DLG2: variants seen among roughly 807,000 people sequenced by gnomAD.
The protein encoded by DLG2 is disks large homolog 2.
In DLG2, 45 loss-of-function variants were observed where a neutral mutation model predicts 132.5. The ratio of observed to expected loss-of-function variants is 0.34; its 90% CI spans 0.27 to 0.44. DLG2 has a LOEUF of 0.44. Among genes scored for constraint, DLG2 ranks in the 20% least tolerant of loss-of-function variants. The pLI, the probability that DLG2 is intolerant of heterozygous loss-of-function variation, is 1.00. For missense variants in DLG2, 1,045 were observed against 1,196.9 expected, an observed-to-expected ratio of 0.87 and a Z score of 1.87; for synonymous variants, 424 against 419.6, an observed-to-expected ratio of 1.01 and a Z score of -0.13.
At chr11:84,457,364 G>T (rs989179075) in intron 7 of DLG2, among the ~76,000 whole-genome samples, 2 of 150,932 alleles carry the variant, frequency 1.3e-5, no homozygotes, top group Non-Finnish European at 3.0e-5. Context: ...TTGTTTAGTG[G>T]AATAACAACT....
chr11:84,498,442 C>T (rs1050721469), intron 7 of DLG2, among the ~76,000 whole-genome samples: 1 of 152,054 alleles, frequency 6.6e-6, no homozygotes, highest in Non-Finnish European at 1.5e-5. Flanking sequence ...CACCACCACC[C>T]CCACCACCAA....
intron 6 of DLG2, among the ~76,000 whole-genome samples, chr11:84,747,706 T>C (rs983477119): frequency 1.3e-5 from 2 of 152,236 alleles, no homozygotes; most frequent in East Asian, 3.8e-4. Flanking sequence ...GGTATCAGTT[T>C]AGTTCAAATA....
chr11:83,964,489 T>C (rs1179884018), intron 13 of DLG2, among the ~76,000 whole-genome samples: 1 of 152,020 alleles, frequency 6.6e-6, no homozygotes, highest in Non-Finnish European at 1.5e-5. Flanking sequence ...ACCATAGTAC[T>C]AATTAATGGC....
At chr11:84,943,605 A>G (rs988093635) in intron 6 of DLG2, among the ~76,000 whole-genome samples, 1 of 152,188 alleles carries the variant, frequency 6.6e-6, no homozygotes, top group Non-Finnish European at 1.5e-5. Flanking sequence ...AGAGGAGCAA[A>G]AAGAAAACTA....
intron 5 of DLG2, among the ~76,000 whole-genome samples, chr11:85,120,313 C>T (rs777805598): frequency 1.4e-4 from 21 of 151,930 alleles, no homozygotes; most frequent in Non-Finnish European, 2.7e-4. Context: ...AACGGACTAG[C>T]AATTAGATAT....
At chr11:84,785,549 A>G (rs1038588748) in intron 6 of DLG2, among the ~76,000 whole-genome samples, 20 of 152,104 alleles carry the variant, frequency 1.3e-4, no homozygotes, top group African/African-American at 4.6e-4. Context: ...TAGGTACAAG[A>G]CCACTATAAA....
chr11:84,320,974 T>C (rs1489762440), intron 7 of DLG2, among the ~76,000 whole-genome samples: 2 of 152,198 alleles, frequency 1.3e-5, no homozygotes, highest in African/African-American at 4.8e-5. Flanking sequence ...AATTATGTAA[T>C]ATTTCTTAAA....
Position 85,287,256 on chromosome 11 carries a change from A to T in DLG2, c.41-1891T>A, listed in dbSNP as rs143423507. Among the ~76,000 whole-genome samples, 14 of 152,226 alleles carry T rather than the reference A, an allele frequency of 9.2e-5. 1 individual carries two copies. The East Asian group carries it at 2.5e-3, about 27-fold the overall frequency. Reference sequence around the variant, plus strand: ...AAGACAAGGTACAAATTGAAAGAAGATAATTTCACAGCACACAGACAAAGG... The same window carrying T: ...AAGACAAGGTACAAATTGAAAGAAGTTAATTTCACAGCACACAGACAAAGG... On this transcript the variant is annotated intron_variant, in intron 3 of 27. Transcript: ENST00000376104.
At chr11:84,765,583 A>G (rs2068293209) in intron 6 of DLG2, among the ~76,000 whole-genome samples, 1 of 152,068 alleles carries the variant, frequency 6.6e-6, no homozygotes. Context: ...TCTGAGGAAA[A>G]TATCACACAT....
At position 84,059,352 on chromosome 11, in the gene DLG2, C is replaced by T. The variant is rs754999934; in HGVS notation, c.882G>A (p.Glu294=). ...TGAACAGTTTGATTTCCACAACGGT[C>T]TCCAAAATAGGTCGTCTTCTACGCA... ...LYVRRRRPIL[E]TVVEIKLFKG... is the part of the protein sequence containing the mutation. Residue 294 remains glutamate, a synonymous_variant, in exon 11 of 28, where the codon GAG becomes GAA. Coordinates refer to ENST00000376104, the MANE Select transcript of DLG2 (RefSeq NM_001142699.3). 1 of 1,613,720 alleles carries T rather than the reference C, an allele frequency of 6.2e-7. No homozygotes were observed. The highest frequency in any genetic ancestry group is 2.2e-5 in the East Asian group (1 of 44,828).
intron 6 of DLG2, among the ~76,000 whole-genome samples, chr11:84,785,657 A>G (rs1400681511): frequency 6.6e-6 from 1 of 152,162 alleles, no homozygotes; most frequent in Non-Finnish European, 1.5e-5. Flanking sequence ...CGTTTTCAAA[A>G]CAAAAAATAG....
intron 6 of DLG2, among the ~76,000 whole-genome samples, chr11:85,104,843 T>C (rs2071437996): frequency 7.1e-6 from 1 of 140,978 alleles, no homozygotes; most frequent in Non-Finnish European, 1.5e-5. Flanking sequence ...ATATTCATTC[T>C]GTGTTCTATT....
intron 7 of DLG2, among the ~76,000 whole-genome samples, chr11:84,506,093 T>TTTTTTTTTTTTTTTTTTTG (rs1340448656): frequency 1.4e-5 from 2 of 143,946 alleles, no homozygotes; most frequent in African/African-American, 5.6e-5. Context: ...TTTTTTTTTT[T>TTTTTTTTTTTTTTTTTTTG]GAGACGGAGT....
At chr11:83,716,675 C>T (rs947864878) in intron 18 of DLG2, among the ~76,000 whole-genome samples, 3 of 152,158 alleles carry the variant, frequency 2.0e-5, no homozygotes, top group Non-Finnish European at 4.4e-5. Flanking sequence ...GGGATGATTT[C>T]CTTTTGATCA....
chr11:83,774,126 G>A (rs1226180149), intron 18 of DLG2, among the ~76,000 whole-genome samples: 1 of 152,124 alleles, frequency 6.6e-6, no homozygotes, highest in African/African-American at 2.4e-5. Flanking sequence ...CAGACCCCAG[G>A]ACTCTTCAGA....
chr11:85,151,722 T>C (rs549430650), intron 5 of DLG2, among the ~76,000 whole-genome samples: 1 of 152,346 alleles, frequency 6.6e-6, no homozygotes, highest in African/African-American at 2.4e-5. Context: ...TTCTGGGATC[T>C]ACATTCTCTT....
At chr11:84,040,788 T>C (rs984423780) in intron 11 of DLG2, among the ~76,000 whole-genome samples, 166 of 151,750 alleles carry the variant, frequency 1.1e-3, no homozygotes, top group African/African-American at 3.8e-3. Context: ...GGGGATGGCA[T>C]TGAATCTGTA....
chr11:84,156,558 T>A (rs1342689412), intron 9 of DLG2, among the ~76,000 whole-genome samples: 1 of 152,200 alleles, frequency 6.6e-6, no homozygotes, highest in East Asian at 1.9e-4. Context: ...TGTATGGCCA[T>A]GTGATACTAT....
At chr11:83,790,862 G>C (rs2041345662) in intron 17 of DLG2, 3 of 744,428 alleles carry the variant, frequency 4.0e-6, no homozygotes, top group Non-Finnish European at 7.2e-6. Flanking sequence ...CCAGACAATA[G>C]CTACTTGATC....
Sources: allele counts gnomAD v4.1 joint callset (sites outside exome capture counted in the v4.1 genomes callset), GRCh38; gene constraint gnomAD v4.1.1; transcripts MANE v1.5; gene names NCBI Gene and HGNC (gene_info 2026-07-23, HGNC 2026-07-21).